NEGR1: variants seen among roughly 807,000 people sequenced by gnomAD.
NEGR1 encodes the protein IgLON family member 4.
A neutral mutation model predicts 40.9 loss-of-function variants in NEGR1; 10 were observed. The ratio of observed to expected loss-of-function variants is 0.24; its 90% CI spans 0.15 to 0.42. The LOEUF is 0.42. Ranked by LOEUF, NEGR1 falls within the 10% of genes least tolerant of loss-of-function variation. The pLI, the probability that NEGR1 is intolerant of heterozygous loss-of-function variation, is 1.00. For synonymous variants in NEGR1, 185 were observed against 166.8 expected, an observed-to-expected ratio of 1.11 and a Z score of -0.84; for missense variants, 352 against 438.9, an observed-to-expected ratio of 0.80 and a Z score of 1.77.
intron 1 of NEGR1, among the ~76,000 whole-genome samples, chr1:72,079,004 A>G (rs1647870853): frequency 2.0e-5 from 3 of 151,066 alleles, no homozygotes. Flanking sequence ...TATACCATTT[A>G]ATCAAATGAT....
At chr1:71,758,603 A>T (rs934669490) in intron 3 of NEGR1, among the ~76,000 whole-genome samples, 1 of 152,182 alleles carries the variant, frequency 6.6e-6, no homozygotes, top group African/African-American at 2.4e-5. Flanking sequence ...CATAATTTTA[A>T]AATGAGCTGT....
At chr1:71,787,188 AG>A (rs1656943772) in intron 2 of NEGR1, among the ~76,000 whole-genome samples, 1 of 152,212 alleles carries the variant, frequency 6.6e-6, no homozygotes, top group African/African-American at 2.4e-5. Context: ...GTTTGGGCAC[AG>A]TTTTTAAAAG....
intron 1 of NEGR1, among the ~76,000 whole-genome samples, chr1:71,962,822 A>G (rs1206477551): frequency 2.0e-5 from 3 of 151,878 alleles, no homozygotes; most frequent in Admixed American, 6.6e-5. Context: ...CAACTGAAAA[A>G]AAAAGATGAG....
intron 1 of NEGR1, among the ~76,000 whole-genome samples, chr1:71,963,296 T>G (rs1013886148): frequency 1.3e-5 from 2 of 152,074 alleles, no homozygotes; most frequent in Admixed American, 6.6e-5. Flanking sequence ...CAGAGCCAGG[T>G]TGTACTAAGA....
Position 72,088,796 on chromosome 1 carries a change from CTTTTTTTTT to C in NEGR1, c.177-153494_177-153486del, listed in dbSNP as rs71074816. Among the ~76,000 whole-genome samples the C allele has an allele frequency of 1.0e-3, 78 of 74,924 alleles. 1 individual carries two copies. Among genetic ancestry groups the C allele is most frequent in the African/African-American group, 3.3e-3 (70 of 21,442 alleles). The allele number at this position is 74,924 out of a possible 152,430, so 49.2% of individuals were successfully genotyped here. On this transcript the variant is annotated intron_variant, in intron 1 of 6. Transcript: ENST00000357731. Reference sequence around the variant, plus strand: ...ATGTATAATGTAGTTCTCTCTCTCTCTTTTTTTTTTTTTTTTTTTTTTTTTTTGAGACGG... The same window carrying C: ...ATGTATAATGTAGTTCTCTCTCTCTCTTTTTTTTTTTTTTTTTTGAGACGG...
At chr1:71,854,895 G>C (rs1328099720) in intron 2 of NEGR1, among the ~76,000 whole-genome samples, 1 of 152,078 alleles carries the variant, frequency 6.6e-6, no homozygotes, top group Non-Finnish European at 1.5e-5. Context: ...TTCAAGATGA[G>C]ATTTGGGTGA....
intron 1 of NEGR1, among the ~76,000 whole-genome samples, chr1:72,089,707 C>T (rs567451766): frequency 6.6e-6 from 1 of 152,044 alleles, no homozygotes; most frequent in African/African-American, 2.4e-5. Context: ...GTCTTCTTTC[C>T]TTTCTTTAAT....
chr1:71,756,667 C>A (rs1290851056), intron 3 of NEGR1, among the ~76,000 whole-genome samples: 1 of 152,044 alleles, frequency 6.6e-6, no homozygotes, highest in Non-Finnish European at 1.5e-5. Flanking sequence ...TTGCTCCTGT[C>A]TCCATTCCTC....
intron 2 of NEGR1, among the ~76,000 whole-genome samples, chr1:71,803,887 C>A (rs1413215611): frequency 6.6e-6 from 1 of 151,996 alleles, no homozygotes; most frequent in Non-Finnish European, 1.5e-5. Flanking sequence ...TAGATTCTGT[C>A]AGATAATAAA....
Position 72,091,898 on chromosome 1 carries a change from C to CGT in NEGR1, c.177-156589_177-156588dup, listed in dbSNP as rs150316693. 7.8e-3 allele frequency among the ~76,000 whole-genome samples: 1,180 copies of CGT among 151,142 alleles called. 6 individuals are homozygous for CGT. Among genetic ancestry groups the CGT allele is most frequent in the African/African-American group, 0.011 (468 of 41,230 alleles). On this transcript the variant is annotated intron_variant, in intron 1 of 6. Coordinates refer to ENST00000357731, the MANE Select transcript of NEGR1 (RefSeq NM_173808.3). ...GCCATCTCACTGTGCCCTCACATAACGTGTGTGTGTGTGTGTGTCTTATTA... is the reference window on the plus strand; with the variant it reads ...GCCATCTCACTGTGCCCTCACATAACGTGTGTGTGTGTGTGTGTGTCTTATTA...
rs969810157 is a variant in NEGR1, at chr1:72,005,242, G to C, written c.177-69931C>G. Reference sequence around the variant, plus strand: ...ACTGAGAACTAAGCGGGGATAGGGTGGGGGAGGCAAAATAAGAGCATAGTG... The same window carrying C: ...ACTGAGAACTAAGCGGGGATAGGGTCGGGGAGGCAAAATAAGAGCATAGTG... On this transcript the variant is annotated intron_variant, in intron 1 of 6. Transcript: ENST00000357731. Among the ~76,000 whole-genome samples, 3 of 152,184 alleles carry C rather than the reference G, an allele frequency of 2.0e-5. No homozygotes were observed. In the East Asian group the frequency reaches 5.8e-4, roughly 29 times the overall value.
chr1:71,992,366 T>C (rs895515578), intron 1 of NEGR1, among the ~76,000 whole-genome samples: 10 of 152,232 alleles, frequency 6.6e-5, no homozygotes, highest in Non-Finnish European at 1.0e-4. Context: ...TTTGAAGGAC[T>C]CAGTACTGTA....
intron 6 of NEGR1, among the ~76,000 whole-genome samples, chr1:71,444,257 A>G (rs1646566286): frequency 6.6e-6 from 1 of 152,214 alleles, no homozygotes; most frequent in Non-Finnish European, 1.5e-5. Context: ...TTATCATTTC[A>G]GCCTATTTTA....
intron 6 of NEGR1, among the ~76,000 whole-genome samples, chr1:71,490,345 T>C (rs1646918709): frequency 6.6e-6 from 1 of 152,016 alleles, no homozygotes; most frequent in Admixed American, 6.6e-5. Context: ...CGAGTGCTTA[T>C]GACAACATGC....
At chr1:72,053,069 A>C (rs1477973885) in intron 1 of NEGR1, among the ~76,000 whole-genome samples, 1 of 151,380 alleles carries the variant, frequency 6.6e-6, no homozygotes, top group Non-Finnish European at 1.5e-5. Flanking sequence ...ATGTCACTAG[A>C]TTATCATATT....
intron 6 of NEGR1, among the ~76,000 whole-genome samples, chr1:71,552,314 A>G (rs1648110662): frequency 6.8e-6 from 1 of 147,966 alleles, no homozygotes. Flanking sequence ...CCCTTCTATT[A>G]TATATATATA....
At chr1:71,552,446 C>G (rs1648117719) in intron 6 of NEGR1, among the ~76,000 whole-genome samples, 1 of 149,242 alleles carries the variant, frequency 6.7e-6, no homozygotes, top group African/African-American at 2.4e-5. Context: ...CCATGGTCGG[C>G]CCCTGCACTA....
intron 2 of NEGR1, among the ~76,000 whole-genome samples, chr1:71,853,505 C>T (rs999499473): frequency 6.6e-6 from 1 of 151,876 alleles, no homozygotes; most frequent in Non-Finnish European, 1.5e-5. Context: ...AGAATTCTTC[C>T]AAACCGTGCC....
intron 6 of NEGR1, among the ~76,000 whole-genome samples, chr1:71,507,742 A>AGC (rs1193162822): frequency 6.6e-6 from 1 of 152,208 alleles, no homozygotes. Flanking sequence ...GGAAAATGCG[A>AGC]GCCACTTTAC....
Sources: allele counts gnomAD v4.1 joint callset (sites outside exome capture counted in the v4.1 genomes callset), GRCh38; gene constraint gnomAD v4.1.1; transcripts MANE v1.5; gene names NCBI Gene and HGNC (gene_info 2026-07-23, HGNC 2026-07-21).